The following TLL1 variants were observed in gnomAD, a reference collection of about 807,000 sequenced individuals.
TLL1 encodes the protein tolloid-like protein 1.
Under a neutral mutation model 128.2 loss-of-function variants are expected in TLL1, and 49 were observed. The observed-to-expected ratio is 0.38, with a 90% CI of 0.30 to 0.48. TLL1 has a LOEUF of 0.48. TLL1 is among the 20% of genes least tolerant of loss of function. The probability of loss-of-function intolerance (pLI) is 0.96; values close to 1 mark genes in which losing one functional copy is unlikely to be tolerated. For missense variants in TLL1, 1,123 were observed against 1,242.0 expected (o/e 0.90, Z 1.44); for synonymous variants, 454 against 418.8 (o/e 1.08, Z -1.03).
intron 1 of TLL1, among the ~76,000 whole-genome samples, chr4:165,924,102 G>T (rs1414236190): frequency 2.6e-5 from 4 of 152,088 alleles, no homozygotes; most frequent in Non-Finnish European, 4.4e-5. Flanking sequence ...TCTATTCCAT[G>T]AGACACAACA....
chr4:165,936,204 A>ATT (rs1233905061), intron 1 of TLL1, among the ~76,000 whole-genome samples: 25 of 132,332 alleles, frequency 1.9e-4, no homozygotes, highest in African/African-American at 6.3e-4. Context: ...ATATATATAT[A>ATT]TATTTTTTTT....
chr4:165,971,177 G>T (rs1376034598), intron 1 of TLL1, among the ~76,000 whole-genome samples: 2 of 152,164 alleles, frequency 1.3e-5, no homozygotes, highest in East Asian at 3.9e-4. Context: ...ATTCATGGGG[G>T]TTCCCCCGCT....
rs142157559 is a variant in TLL1 at position 166,043,321 on chromosome 4, C to T, written c.1426C>T (p.Pro476Ser). 10 of 1,613,976 alleles carry T rather than the reference C, an allele frequency of 6.2e-6. No individual in the cohort carries two copies. Among genetic ancestry groups the T allele is most frequent in the East Asian group, 2.2e-5 (1 of 44,868 alleles). ...TAAAAATGAAGGACAGATTCAGTCT[C>T]CCAATTATCCTGATGACTATCGCCC... ...IRKNEGQIQSPNYPDDYRPMK... is the reference protein window; with the variant it reads ...IRKNEGQIQSSNYPDDYRPMK... The change falls in exon 12 of 21, where the codon CCC (proline) becomes TCC (serine). Residue 476 changes from proline to serine, a missense_variant. Physicochemically the swap from Pro to Ser is moderately conservative, Grantham distance 74. Transcript: ENST00000061240.
rs1356270036 is a variant in TLL1 at position 166,014,409 on chromosome 4, G to T, written c.918-27G>T. On this transcript the variant is annotated intron_variant, in intron 7 of 20. Coordinates refer to ENST00000061240, the MANE Select transcript of TLL1 (RefSeq NM_012464.5). ...CATGAGTTTTCATTTGGTGACTTAG[G>T]TGTGGTTTGCTTCTGCTTTTTTTCA... 4 of 1,610,984 alleles carry T rather than the reference G, an allele frequency of 2.5e-6. No individual in the cohort carries two copies. The African/African-American group carries it at 4.0e-5, about 16-fold the overall frequency.
In TLL1 at chr4:166,055,213, G is replaced by A. The variant is rs751680607; in HGVS notation, c.1662G>A (p.Met554Ile). 1.9e-6 allele frequency: 3 copies of A among 1,613,606 alleles called. No individual in the cohort carries two copies. The highest frequency in any genetic ancestry group is 2.5e-6 in the Non-Finnish European group (3 of 1,179,812). ...DIRSTSNTLWMKFVSDGTVNK... is the reference protein window; with the variant it reads ...DIRSTSNTLWIKFVSDGTVNK... ...GATCTACCTCCAATACTTTGTGGAT[G>A]AAGTTTGTTTCTGACGGAACTGTGA... is the stretch of plus-strand genomic sequence containing the variant. Residue 554 changes from methionine to isoleucine, a missense_variant, in exon 13 of 21, where the codon ATG becomes ATA. Met to Ile is a conservative substitution (Grantham distance 10, BLOSUM62 1). Coordinates refer to ENST00000061240, the MANE Select transcript of TLL1 (RefSeq NM_012464.5).
intron 17 of TLL1, among the ~76,000 whole-genome samples, chr4:166,077,397 A>G (rs1741084764): frequency 1.3e-5 from 2 of 152,156 alleles, no homozygotes; most frequent in Admixed American, 1.3e-4. Flanking sequence ...TAAAATTATG[A>G]TGTAGGTATT....
intron 1 of TLL1, among the ~76,000 whole-genome samples, chr4:165,954,579 T>C (rs1734686416): frequency 6.6e-6 from 1 of 152,036 alleles, no homozygotes. Flanking sequence ...CCCTGTGACC[T>C]GCAGGTATTG....
At chr4:165,926,797 G>T (rs376133936) in intron 1 of TLL1, among the ~76,000 whole-genome samples, 1 of 152,118 alleles carries the variant, frequency 6.6e-6, no homozygotes, top group Non-Finnish European at 1.5e-5. Flanking sequence ...CAACTCTGTC[G>T]TTTCATTAAC....
chr4:166,050,694 G>T (rs1284214630), intron 12 of TLL1, among the ~76,000 whole-genome samples: 1 of 152,136 alleles, frequency 6.6e-6, no homozygotes, highest in East Asian at 1.9e-4. Context: ...TACCTCCAGG[G>T]CTGGCTTTCC....
intron 8 of TLL1, among the ~76,000 whole-genome samples, chr4:166,017,697 CT>C (rs763532901): frequency 3.3e-5 from 5 of 151,850 alleles, no homozygotes; most frequent in Non-Finnish European, 5.9e-5. Context: ...TGTTCTTTCT[CT>C]TTTTTTATGT....
At chr4:166,022,423 G>T (rs553988558) in intron 8 of TLL1, among the ~76,000 whole-genome samples, 1 of 152,036 alleles carries the variant, frequency 6.6e-6, no homozygotes, top group South Asian at 2.1e-4. Context: ...TATTCAGCCC[G>T]CCTTGGCCTC....
In TLL1 at chr4:165,966,909, A is replaced by C. The variant is rs143087302; in HGVS notation, c.170-22472A>C. On this transcript the variant is annotated intron_variant, in intron 1 of 20. Coordinates refer to ENST00000061240, the MANE Select transcript of TLL1 (RefSeq NM_012464.5). ...CTTATCAGGAGACAGGGCTTGAGAGAAGACAACTGGTCTGACTAAAATTTA... is the reference window on the plus strand; with the variant it reads ...CTTATCAGGAGACAGGGCTTGAGAGCAGACAACTGGTCTGACTAAAATTTA... 5.2e-3 allele frequency among the ~76,000 whole-genome samples: 788 copies of C among 152,260 alleles called. 12 individuals are homozygous for C. Among genetic ancestry groups the C allele is most frequent in the African/African-American group, 0.018 (734 of 41,536 alleles).
At chr4:166,034,324 C>T (rs979194576) in intron 9 of TLL1, among the ~76,000 whole-genome samples, 3 of 152,000 alleles carry the variant, frequency 2.0e-5, no homozygotes, top group Non-Finnish European at 4.4e-5. Context: ...AAGTAGAGTC[C>T]ACATAGAATT....
At chr4:165,891,472 A>G (rs934237932) in intron 1 of TLL1, among the ~76,000 whole-genome samples, 1 of 152,180 alleles carries the variant, frequency 6.6e-6, no homozygotes, top group African/African-American at 2.4e-5. Context: ...AGAGCACTCA[A>G]GTCACTTCTT....
At chr4:165,961,970 A>G (rs1203789870) in intron 1 of TLL1, among the ~76,000 whole-genome samples, 3 of 152,190 alleles carry the variant, frequency 2.0e-5, no homozygotes, top group African/African-American at 7.2e-5. Flanking sequence ...ACCTCAAAAT[A>G]CAAAAATCCT....
At chr4:165,906,228 GA>G (rs1732248192) in intron 1 of TLL1, among the ~76,000 whole-genome samples, 1 of 152,140 alleles carries the variant, frequency 6.6e-6, no homozygotes, top group Non-Finnish European at 1.5e-5. Flanking sequence ...GGCCCTTTAA[GA>G]AAATGCATGT....
At chr4:166,089,829 T>C (rs979692470) in intron 18 of TLL1, among the ~76,000 whole-genome samples, 2 of 149,618 alleles carry the variant, frequency 1.3e-5, no homozygotes, top group African/African-American at 5.1e-5. Context: ...AGAGATCAGC[T>C]TTTTTTCCCC....
chr4:166,057,017 C>T (rs1478352532), intron 13 of TLL1, among the ~76,000 whole-genome samples, 167 bp from the exon 14 acceptor site: 3 of 151,914 alleles, frequency 2.0e-5, no homozygotes, highest in African/African-American at 7.3e-5. Flanking sequence ...GGAAAAGAAC[C>T]CCCAACCATG....
intron 9 of TLL1, among the ~76,000 whole-genome samples, chr4:166,038,434 C>G (rs980249138): frequency 6.6e-6 from 1 of 151,790 alleles, no homozygotes; most frequent in Non-Finnish European, 1.5e-5. Context: ...TTACTATGAG[C>G]CTTAAGCATC....
Sources: gnomAD v4.1 joint callset for allele counts (sites outside exome capture counted in the v4.1 genomes callset) on GRCh38, gnomAD v4.1.1 for gene constraint, MANE v1.5 for transcripts, NCBI Gene and HGNC (gene_info 2026-07-23, HGNC 2026-07-21) for gene names.